MPP7: variants seen among roughly 807,000 people sequenced by gnomAD.
MPP7 encodes the protein MAGUK p55 subfamily member 7.
In MPP7, 60 loss-of-function variants were observed where a neutral mutation model predicts 76.5. The ratio of observed to expected loss-of-function variants is 0.78; its 90% CI spans 0.64 to 0.97. MPP7 has a LOEUF of 0.97. MPP7 is among the 50% of genes least tolerant of loss of function. The pLI is 0.00. For synonymous variants in MPP7, 237 were observed against 244.5 expected (o/e 0.97, Z 0.29); for missense variants, 641 against 694.0 (o/e 0.92, Z 0.86).
intron 2 of MPP7, among the ~76,000 whole-genome samples, chr10:28,225,708 C>G (rs1486294622): frequency 6.6e-6 from 1 of 152,120 alleles, no homozygotes; most frequent in East Asian, 1.9e-4. Context: ...TCACATATTG[C>G]TGGTAGAAAT....
chr10:28,128,679 C>T (rs1053030193), intron 6 of MPP7, among the ~76,000 whole-genome samples: 4 of 152,084 alleles, frequency 2.6e-5, no homozygotes, highest in Non-Finnish European at 5.9e-5. Flanking sequence ...GGGGTTAAGA[C>T]AAGGGTGGAA....
At chr10:28,194,013 T>C (rs1380445211) in intron 3 of MPP7, among the ~76,000 whole-genome samples, 2 of 152,124 alleles carry the variant, frequency 1.3e-5, no homozygotes, top group Admixed American at 1.3e-4. Flanking sequence ...TTTTTGTTTG[T>C]TTGTTTTTGA....
chr10:28,270,941 AG>A (rs1409609789), intron 1 of MPP7, among the ~76,000 whole-genome samples: 1 of 152,184 alleles, frequency 6.6e-6, no homozygotes, highest in African/African-American at 2.4e-5. Context: ...TGGACTTTTT[AG>A]TACAATAGTA....
At chr10:28,268,375 C>T (rs1231967497) in intron 1 of MPP7, among the ~76,000 whole-genome samples, 11 of 152,288 alleles carry the variant, frequency 7.2e-5, no homozygotes, top group Admixed American at 7.2e-4. Flanking sequence ...TCATAGAGTA[C>T]GTTGTAAGCC....
chr10:28,309,862 A>G (rs1252020888), intron 2 of MPP7, among the ~76,000 whole-genome samples: 1 of 132,276 alleles, frequency 7.6e-6, no homozygotes, highest in Non-Finnish European at 1.6e-5. Context: ...GGTTGGCTCC[A>G]GCTGTCATCA....
chr10:28,240,325 CTT>C (rs1839226273), intron 1 of MPP7, among the ~76,000 whole-genome samples: 1 of 152,106 alleles, frequency 6.6e-6, no homozygotes, highest in African/African-American at 2.4e-5. Context: ...GAGAAATGAA[CTT>C]GCCAAATTTT....
At chr10:28,224,953 G>C (rs1405353105) in intron 2 of MPP7, among the ~76,000 whole-genome samples, 1 of 152,162 alleles carries the variant, frequency 6.6e-6, no homozygotes, top group Non-Finnish European at 1.5e-5. Flanking sequence ...GAGAAATTCT[G>C]TCAAACAGTG....
intron 11 of MPP7, among the ~76,000 whole-genome samples, 189 bp downstream of exon 11, chr10:28,119,462 C>T (rs1311711960): frequency 6.6e-6 from 1 of 152,094 alleles, no homozygotes; most frequent in Non-Finnish European, 1.5e-5. Flanking sequence ...ACCTCAACCA[C>T]CCCTTTCCTC....
chr10:28,128,942 G>A (rs923901655), intron 6 of MPP7, among the ~76,000 whole-genome samples: 2 of 152,172 alleles, frequency 1.3e-5, no homozygotes, highest in African/African-American at 4.8e-5. Context: ...TCTCATTATA[G>A]ACAGAGATAA....
chr10:28,307,549 A>T (rs1201690813), upstream of MPP7: 1 of 152,210 alleles, frequency 6.6e-6, no homozygotes, highest in African/African-American at 2.4e-5. Flanking sequence ...CATCCCTTCC[A>T]CAGGCATTCC....
intron 6 of MPP7, among the ~76,000 whole-genome samples, chr10:28,125,472 G>A (rs1834988821): frequency 6.6e-6 from 1 of 151,992 alleles, no homozygotes; most frequent in African/African-American, 2.4e-5. Flanking sequence ...ACCGCATCAA[G>A]AAAGTGGAAT....
intron 2 of MPP7, among the ~76,000 whole-genome samples, chr10:28,226,102 TA>T (rs1178004583): frequency 6.6e-6 from 1 of 152,136 alleles, no homozygotes; most frequent in East Asian, 1.9e-4. Context: ...AGATGAACCT[TA>T]AAAACATTAT....
intron 11 of MPP7, among the ~76,000 whole-genome samples, chr10:28,116,131 C>G (rs1266975732): frequency 6.6e-6 from 1 of 152,076 alleles, no homozygotes; most frequent in African/African-American, 2.4e-5. Context: ...TTTTCTTACT[C>G]CTTTCTGAAG....
rs544993007 is a variant in MPP7 at position 28,167,566 on chromosome 10, C to G, written c.157-17507G>C. Among the ~76,000 whole-genome samples, 11 of 152,220 alleles carry G rather than the reference C, an allele frequency of 7.2e-5. No individual in the cohort carries two copies. The East Asian group carries it at 2.1e-3, about 29-fold the overall frequency. ...GGCTCAACAGAAGTCCAAGCCTCAA[C>G]ATCACACACCATATCCATGTAACAA... On this transcript the variant is annotated intron_variant, in intron 3 of 16. Coordinates refer to ENST00000683449, the MANE Select transcript of MPP7 (RefSeq NM_001318170.2).
chr10:28,299,797 G>A (rs755182061), intron 1 of MPP7, among the ~76,000 whole-genome samples: 2 of 143,180 alleles, frequency 1.4e-5, no homozygotes, highest in South Asian at 2.2e-4. Context: ...ACGGAGTCTC[G>A]CTCTGTGGCC....
intron 3 of MPP7, among the ~76,000 whole-genome samples, chr10:28,158,905 A>G (rs1836162613): frequency 6.6e-6 from 1 of 152,170 alleles, no homozygotes; most frequent in South Asian, 2.1e-4. Flanking sequence ...ACACAACAGA[A>G]GAACTGGATC....
At chr10:28,149,029 A>C (rs1457143991) in intron 4 of MPP7, among the ~76,000 whole-genome samples, 1 of 152,234 alleles carries the variant, frequency 6.6e-6, no homozygotes, top group Non-Finnish European at 1.5e-5. Flanking sequence ...TTGTAGATAA[A>C]AACAAAAAGA....
chr10:28,153,140 G>C (rs1835937691), intron 3 of MPP7, among the ~76,000 whole-genome samples: 1 of 152,052 alleles, frequency 6.6e-6, no homozygotes, highest in African/African-American at 2.4e-5. Flanking sequence ...TATAGTCCTA[G>C]CTACTCGGGA....
intron 3 of MPP7, among the ~76,000 whole-genome samples, chr10:28,166,306 A>T (rs1382617911): frequency 6.6e-6 from 1 of 151,952 alleles, no homozygotes; most frequent in African/African-American, 2.4e-5. Context: ...GAATAGTACA[A>T]ATATTTTACA....
Sources: gnomAD v4.1 joint callset for allele counts (sites outside exome capture counted in the v4.1 genomes callset) on GRCh38, gnomAD v4.1.1 for gene constraint, MANE v1.5 for transcripts, NCBI Gene and HGNC (gene_info 2026-07-23, HGNC 2026-07-21) for gene names.